The following HSD17B12 variants were observed in gnomAD, a reference collection of about 807,000 sequenced individuals.
HSD17B12 encodes hydroxysteroid 17-beta dehydrogenase 12.
A neutral mutation model predicts 39.3 loss-of-function variants in HSD17B12; 32 were observed. The ratio of observed to expected loss-of-function variants is 0.81; its 90% CI spans 0.61 to 1.09. The LOEUF (loss-of-function observed/expected upper bound fraction) is 1.09, where lower values mean the gene tolerates loss of function less well. HSD17B12 is among the 50% of genes least tolerant of loss of function. The probability of loss-of-function intolerance (pLI) is 0.00; values close to 1 mark genes in which losing one functional copy is unlikely to be tolerated. For missense variants in HSD17B12, 342 were observed against 382.9 expected (o/e 0.89, Z 0.89); for synonymous variants, 150 against 146.7 (o/e 1.02, Z -0.16).
chr11:43,564,729 A>C, the HSD17B12 span, among the ~76,000 whole-genome samples: 1 of 152,170 alleles, frequency 6.6e-6, no homozygotes, highest in African/African-American at 2.4e-5. Context: ...TTTGACTTGT[A>C]ATTTAATATA....
At chr11:43,691,343 C>A (rs1264014318) in intron 1 of HSD17B12, among the ~76,000 whole-genome samples, 2 of 152,150 alleles carry the variant, frequency 1.3e-5, no homozygotes, top group African/African-American at 4.8e-5. Flanking sequence ...TAGAAAGTTT[C>A]TTAATTGTTT....
the HSD17B12 span, among the ~76,000 whole-genome samples, chr11:43,609,278 C>T: frequency 6.7e-6 from 1 of 150,324 alleles, no homozygotes; most frequent in Non-Finnish European, 1.5e-5. Context: ...AATCTTTATA[C>T]AGGTAAACTA....
At chr11:43,622,912 T>A in the HSD17B12 span, among the ~76,000 whole-genome samples, 3 of 152,172 alleles carry the variant, frequency 2.0e-5, no homozygotes, top group Admixed American at 2.0e-4. Flanking sequence ...ACATGAATTT[T>A]AACATAGCGA....
chr11:43,630,891 A>T, the HSD17B12 span, among the ~76,000 whole-genome samples: 2 of 144,046 alleles, frequency 1.4e-5, no homozygotes, highest in East Asian at 4.1e-4. Context: ...TCCAGCCTCC[A>T]CCCCCCAGGT....
the HSD17B12 span, among the ~76,000 whole-genome samples, chr11:43,599,226 C>CAAGCA: frequency 2.0e-5 from 3 of 152,064 alleles, no homozygotes; most frequent in Admixed American, 1.3e-4. Context: ...TTTTTCCTAA[C>CAAGCA]GTTCTTTTAT....
At chr11:43,784,301 A>ATATTATTATTAT (rs36168037) in intron 3 of HSD17B12, among the ~76,000 whole-genome samples, 25 of 143,116 alleles carry the variant, frequency 1.7e-4, no homozygotes, top group Admixed American at 9.8e-4. Context: ...TCAGGGATTG[A>ATATTATTATTAT]TATTATTATT....
intron 9 of HSD17B12, among the ~76,000 whole-genome samples, chr11:43,849,521 C>A (rs780762463): frequency 2.0e-5 from 3 of 152,180 alleles, no homozygotes; most frequent in Non-Finnish European, 2.9e-5. Flanking sequence ...CACCTCAGGG[C>A]CTTTGCACTT....
chr11:43,587,979 C>G, the HSD17B12 span, among the ~76,000 whole-genome samples: 1 of 152,144 alleles, frequency 6.6e-6, no homozygotes, highest in Non-Finnish European at 1.5e-5. Flanking sequence ...GCAGGTAGTT[C>G]TGTTGAGATC....
chr11:43,689,455 C>G (rs1236272351), intron 1 of HSD17B12, among the ~76,000 whole-genome samples: 3 of 152,228 alleles, frequency 2.0e-5, no homozygotes, highest in Non-Finnish European at 4.4e-5. Flanking sequence ...CTAGATCTCT[C>G]TAGTGGTTTC....
chr11:43,613,824 G>A, the HSD17B12 span, among the ~76,000 whole-genome samples: 9 of 151,900 alleles, frequency 5.9e-5, no homozygotes, highest in East Asian at 7.8e-4. Context: ...CCACCACTAC[G>A]CCCGGCTAAT....
chr11:43,650,058 A>G, the HSD17B12 span, among the ~76,000 whole-genome samples: 6 of 152,130 alleles, frequency 3.9e-5, no homozygotes, highest in Non-Finnish European at 8.8e-5. Flanking sequence ...ACCCTTCCCA[A>G]TTTCTGCCCC....
intron 1 of HSD17B12, chr11:43,718,883 A>G (rs1185351622): frequency 1.1e-6 from 1 of 906,068 alleles, no homozygotes; most frequent in African/African-American, 1.6e-5. Flanking sequence ...CAGGAGAAAC[A>G]AGCTTGACCA....
intron 7 of HSD17B12, among the ~76,000 whole-genome samples, chr11:43,834,432 C>T (rs1951347580): frequency 1.3e-5 from 2 of 151,918 alleles, no homozygotes; most frequent in Admixed American, 1.3e-4. Flanking sequence ...TAGCAGTCCC[C>T]ACTAGGATTA....
At chr11:43,762,687 G>A (rs1590278278) in intron 3 of HSD17B12, among the ~76,000 whole-genome samples, 3 of 152,156 alleles carry the variant, frequency 2.0e-5, no homozygotes, top group Non-Finnish European at 2.9e-5. Flanking sequence ...GAGGGTATGA[G>A]CCTTATCATG....
intron 1 of HSD17B12, among the ~76,000 whole-genome samples, chr11:43,714,675 C>G (rs186655164): frequency 2.0e-5 from 3 of 152,272 alleles, no homozygotes; most frequent in Non-Finnish European, 4.4e-5. Context: ...TCATTGGTAG[C>G]TTGATGGGGA....
In HSD17B12 at chr11:43,697,965, T is replaced by A. The variant is rs987541986; in HGVS notation, c.160+16978T>A. ...AGTTTGTACTTAGGACAGTTTACTCTGGCATTTTGGAGAATGGATGTGGAG... is the reference window on the plus strand; with the variant it reads ...AGTTTGTACTTAGGACAGTTTACTCAGGCATTTTGGAGAATGGATGTGGAG... On this transcript the variant is annotated intron_variant, in intron 1 of 10. Coordinates refer to ENST00000278353, the MANE Select transcript of HSD17B12 (RefSeq NM_016142.3). Among the ~76,000 whole-genome samples, 5 of 152,160 alleles carry A rather than the reference T, an allele frequency of 3.3e-5. 1 individual carries two copies. Among genetic ancestry groups the A allele is most frequent in the Admixed American group, 3.3e-4 (5 of 15,272 alleles).
chr11:43,791,668 C>T (rs1045883069), intron 3 of HSD17B12, among the ~76,000 whole-genome samples: 6 of 152,222 alleles, frequency 3.9e-5, no homozygotes, highest in South Asian at 2.1e-4. Flanking sequence ...AAAATTTCTT[C>T]AAGAGTGGTT....
At chr11:43,776,062 A>G (rs1950700305) in intron 3 of HSD17B12, among the ~76,000 whole-genome samples, 1 of 152,160 alleles carries the variant, frequency 6.6e-6, no homozygotes, top group Non-Finnish European at 1.5e-5. Context: ...GACACAATAA[A>G]CATACGTGTG....
the HSD17B12 span, among the ~76,000 whole-genome samples, chr11:43,652,994 C>G: frequency 6.6e-6 from 1 of 151,706 alleles, no homozygotes; most frequent in Non-Finnish European, 1.5e-5. Flanking sequence ...TTTTTTTCTT[C>G]CAGGGTATGG....
Sources: gnomAD v4.1 joint callset for allele counts (sites outside exome capture counted in the v4.1 genomes callset) on GRCh38, gnomAD v4.1.1 for gene constraint, MANE v1.5 for transcripts, NCBI Gene and HGNC (gene_info 2026-07-23, HGNC 2026-07-21) for gene names.